PAH: variants seen among roughly 807,000 people sequenced by gnomAD.
PAH encodes phenylalanine-4-hydroxylase.
PAH carries 64 observed loss-of-function variants against 62.0 expected under a neutral mutation model. The ratio of observed to expected loss-of-function variants is 1.03; its 90% CI spans 0.84 to 1.27. PAH has a LOEUF of 1.27. Among genes scored for constraint, PAH ranks in the 50% most tolerant of loss-of-function variants. The probability of loss-of-function intolerance (pLI) is 0.00; values close to 1 mark genes in which losing one functional copy is unlikely to be tolerated. For missense variants in PAH, 579 were observed against 542.8 expected, an observed-to-expected ratio of 1.07 and a Z score of -0.66; for synonymous variants, 195 against 196.2, an observed-to-expected ratio of 0.99 and a Z score of 0.05.
chr12:102,845,274 C>T lies in PAH; in HGVS notation c.970-843G>A, dbSNP rs146426243. On this transcript the variant is annotated intron_variant, in intron 9 of 12. Transcript: ENST00000553106. ...TACTAAGAAGCCCCAAAAGGAGGCT[C>T]CCAACAATATGTTCTCCATATGACA... 9.7e-3 allele frequency among the ~76,000 whole-genome samples: 1,483 copies of T among 152,180 alleles called. 15 individuals are homozygous for T. The highest frequency in any genetic ancestry group is 0.033 in the African/African-American group (1,363 of 41,518).
rs114733473 is a variant in PAH at position 102,949,622 on chromosome 12, T to G, written c.-96+967A>C. Among the ~76,000 whole-genome samples, 384 of 152,340 alleles carry G rather than the reference T, an allele frequency of 2.5e-3. 2 individuals are homozygous for G. Among genetic ancestry groups the G allele is most frequent in the African/African-American group, 8.5e-3 (355 of 41,568 alleles). On this transcript the variant is annotated intron_variant, in intron 1 of 3. Coordinates refer to the PAH transcript ENST00000546844. Reference sequence around the variant, plus strand: ...AGTAACGTGTCAAAGGGTGTGTGTATGTTGAAATCATTAGTGTCTGCTCAT... The same window carrying G: ...AGTAACGTGTCAAAGGGTGTGTGTAGGTTGAAATCATTAGTGTCTGCTCAT...
intron 1 of PAH, among the ~76,000 whole-genome samples, chr12:102,956,442 C>T (rs942436128): frequency 2.6e-5 from 4 of 152,206 alleles, no homozygotes; most frequent in African/African-American, 4.8e-5. Flanking sequence ...CAAGCGCCTC[C>T]CCCTCCCTCT....
intron 2 of PAH, among the ~76,000 whole-genome samples, chr12:102,903,371 A>C (rs28380242): frequency 8.4e-4 from 112 of 132,640 alleles, no homozygotes; most frequent in African/African-American, 2.1e-3. Flanking sequence ...AAAAAAAAAA[A>C]ACACACACAC....
chr12:102,858,076 G>A (rs981677255), intron 5 of PAH, among the ~76,000 whole-genome samples: 1 of 152,192 alleles, frequency 6.6e-6, no homozygotes, highest in Admixed American at 6.5e-5. Flanking sequence ...GTATTCAGGA[G>A]ACCCATCTCA....
intron 2 of PAH, among the ~76,000 whole-genome samples, chr12:102,903,439 T>C (rs887882421): frequency 6.6e-6 from 1 of 151,694 alleles, no homozygotes; most frequent in African/African-American, 2.4e-5. Context: ...TCACAACTCA[T>C]ATGCTATCAA....
upstream of PAH, chr12:102,953,908 A>T (rs1329494082): frequency 6.6e-6 from 1 of 152,220 alleles, no homozygotes; most frequent in Non-Finnish European, 1.5e-5. Context: ...ACCCAACAAC[A>T]TCTGATTTAA....
chr12:102,951,305 A>G (rs986413917), upstream of PAH, among the ~76,000 whole-genome samples: 1 of 152,128 alleles, frequency 6.6e-6, no homozygotes, highest in African/African-American at 2.4e-5. Context: ...GCTACCAGGG[A>G]GACTCCTTAC....
chr12:102,932,199 C>T (rs891704365), intron 1 of PAH, among the ~76,000 whole-genome samples: 2 of 151,446 alleles, frequency 1.3e-5, no homozygotes, highest in Non-Finnish European at 2.9e-5. Context: ...CAAGCCTACC[C>T]TGCCCAACCA....
At chr12:102,859,541 T>C (rs1034236636) in intron 5 of PAH, among the ~76,000 whole-genome samples, 1 of 152,214 alleles carries the variant, frequency 6.6e-6, no homozygotes, top group African/African-American at 2.4e-5. Context: ...TTCAGACCAA[T>C]ATCCCTGATG....
chr12:102,874,178 T>C (rs936065780), intron 4 of PAH, among the ~76,000 whole-genome samples: 4 of 152,208 alleles, frequency 2.6e-5, no homozygotes, highest in African/African-American at 4.8e-5. Flanking sequence ...AATAGAGGTT[T>C]CCAAGTGGGG....
intron 1 of PAH, among the ~76,000 whole-genome samples, chr12:102,926,577 A>G (rs1409484569): frequency 1.3e-5 from 2 of 151,988 alleles, no homozygotes; most frequent in African/African-American, 2.4e-5. Flanking sequence ...TGCAAAAACC[A>G]CAATTACTTT....
At chr12:102,938,740 G>A (rs1334068248) in intron 1 of PAH, among the ~76,000 whole-genome samples, 1 of 152,162 alleles carries the variant, frequency 6.6e-6, no homozygotes, top group Non-Finnish European at 1.5e-5. Flanking sequence ...TAGGGAGGTA[G>A]TGAAGAGCCC....
chr12:102,910,483 G>A (rs1343328057), intron 2 of PAH, among the ~76,000 whole-genome samples: 1 of 151,034 alleles, frequency 6.6e-6, no homozygotes, highest in Non-Finnish European at 1.5e-5. Flanking sequence ...CCATTCTCCT[G>A]CCTTGGCCTC....
Position 102,840,397 on chromosome 12 carries a change from T to C in PAH, c.1315+3A>G, listed in dbSNP as rs1276606583. The C allele has an allele frequency of 6.3e-7, 1 of 1,589,582 alleles. No individual in the cohort carries two copies. The highest frequency in any genetic ancestry group is 1.7e-5 in the Admixed American group (1 of 59,976). ...GTGGCCTCGTAAGGTGTAAATTACT[T>C]ACTGTTAATGGAATCAGCCAAAATC... On this transcript the variant is annotated splice_donor_region_variant and intron_variant, in intron 12 of 12. Coordinates refer to ENST00000553106, the MANE Select transcript of PAH (RefSeq NM_000277.3).
At chr12:102,846,200 C>T (rs1874835196) in intron 9 of PAH, among the ~76,000 whole-genome samples, 1 of 152,198 alleles carries the variant, frequency 6.6e-6, no homozygotes, top group South Asian at 2.1e-4. Flanking sequence ...AGATAACCTT[C>T]TGGGAGTTTT....
At chr12:102,839,329 G>A (rs1181964259) in intron 12 of PAH, 111 bp from the exon 13 acceptor site, 2 of 1,003,742 alleles carry the variant, frequency 2.0e-6, no homozygotes, top group East Asian at 2.4e-5. Flanking sequence ...GATGAGCTGG[G>A]TGCCACCCCA....
chr12:102,851,120 G>T (rs537686551), intron 8 of PAH, among the ~76,000 whole-genome samples: 1 of 150,810 alleles, frequency 6.6e-6, no homozygotes, highest in African/African-American at 2.4e-5. Context: ...AAAAGAAAAA[G>T]AAAGCTTTTT....
chr12:102,840,268 CT>C, intron 12 of PAH, 131 bp downstream of exon 12: 1 of 680,326 alleles, frequency 1.5e-6, no homozygotes, highest in Non-Finnish European at 2.7e-6. Context: ...GAACCCATGG[CT>C]TACATGGAGG....
upstream of PAH, among the ~76,000 whole-genome samples, chr12:102,918,653 A>G (rs1362130674): frequency 1.3e-5 from 2 of 151,208 alleles, no homozygotes; most frequent in Non-Finnish European, 1.5e-5. Flanking sequence ...ATGATGTGCC[A>G]GGCTGTCTAC....
Sources: allele counts gnomAD v4.1 joint callset (sites outside exome capture counted in the v4.1 genomes callset), GRCh38; gene constraint gnomAD v4.1.1; transcripts MANE v1.5; gene names NCBI Gene and HGNC (gene_info 2026-07-23, HGNC 2026-07-21).